Variants in UTRN observed in about 807,000 individuals in gnomAD.
UTRN encodes utrophin.
UTRN carries 283 observed loss-of-function variants against 463.9 expected under a neutral mutation model. The observed-to-expected ratio is 0.61, with a 90% CI of 0.55 to 0.67. The LOEUF (loss-of-function observed/expected upper bound fraction) is 0.67, where lower values mean the gene tolerates loss of function less well. Among genes scored for constraint, UTRN ranks in the 30% least tolerant of loss-of-function variants. UTRN has a pLI of 0.00. For synonymous variants in UTRN, 1,442 were observed against 1,431.5 expected (o/e 1.01, Z -0.17); for missense variants, 3,922 against 4,084.3 (o/e 0.96, Z 1.08).
At chr6:144,399,767 G>A (rs190860535) in intron 2 of UTRN, among the ~76,000 whole-genome samples, 64 of 152,248 alleles carry the variant, frequency 4.2e-4, no homozygotes, top group Non-Finnish European at 9.0e-4. Flanking sequence ...ATGTTGCTAC[G>A]TTCTGCTAAA....
intron 45 of UTRN, among the ~76,000 whole-genome samples, chr6:144,539,769 T>A (rs184117349): frequency 6.6e-6 from 1 of 152,246 alleles, no homozygotes. Context: ...GAGCCGGGTG[T>A]GTTGGCTCAT....
chr6:144,839,755 C>CCCA (rs1333951230), intron 72 of UTRN, among the ~76,000 whole-genome samples: 6 of 152,194 alleles, frequency 3.9e-5, no homozygotes, highest in Non-Finnish European at 8.8e-5. Context: ...AGGCAGCGGT[C>CCCA]CCACGCAGCC....
chr6:144,458,919 A>C lies in UTRN; in HGVS notation c.2434A>C (p.Lys812Gln), dbSNP rs1343139096. The change falls in exon 20 of 75, where the codon AAG (lysine) becomes CAG (glutamine). Residue 812 changes from lysine (K) to glutamine (Q), a missense_variant. Around this residue, in one of 3 missense-constraint regions of UTRN, gnomAD observed 2,349 missense variants for 2,303.8 expected, o/e 1.02. Transcript: ENST00000367545. ...TTTCAAGCAGCTTGATGAGCTTGAA[A>C]AGGTCATCAAGACAAAGGAGGAGTG... The part of the protein sequence containing the change: ...AYFKQLDELE[K>Q]VIKTKEEWVK... 2 of 1,613,844 alleles carry C rather than the reference A, an allele frequency of 1.2e-6. No individual in the cohort carries two copies. Among genetic ancestry groups the C allele is most frequent in the Non-Finnish European group, 1.7e-6 (2 of 1,179,990 alleles).
At chr6:144,548,987 C>A in intron 47 of UTRN, 133 bp downstream of exon 47, 1 of 842,378 alleles carries the variant, frequency 1.2e-6, no homozygotes, top group Non-Finnish European at 1.8e-6. Context: ...TGTCAAACAA[C>A]CATTCAGGGC....
At chr6:144,384,490 C>T (rs564305226) in intron 2 of UTRN, among the ~76,000 whole-genome samples, 2 of 152,092 alleles carry the variant, frequency 1.3e-5, no homozygotes, top group East Asian at 1.9e-4. Context: ...CCCACTGCCC[C>T]GCCCATGGAA....
In UTRN at chr6:144,804,297, G is replaced by C. The variant is rs1236242015; in HGVS notation, c.9357+1150G>C. Among the ~76,000 whole-genome samples, 4 of 152,166 alleles carry C rather than the reference G, an allele frequency of 2.6e-5. No individual in the cohort carries two copies. In the East Asian group the frequency reaches 7.7e-4, roughly 29 times the overall value. On this transcript the variant is annotated intron_variant, in intron 65 of 74. Transcript: ENST00000367545. ...ATATTGCTGAATTATAATGGAGGAA[G>C]TGCCCACATCACATTATAGCTTTAA...
chr6:144,628,959 G>C (rs1199160176), intron 51 of UTRN, among the ~76,000 whole-genome samples: 2 of 152,180 alleles, frequency 1.3e-5, no homozygotes, highest in Non-Finnish European at 2.9e-5. Flanking sequence ...CTTTGGGCTG[G>C]AGGAATAAGG....
At chr6:144,581,357 CAA>C (rs1376145696) in intron 51 of UTRN, among the ~76,000 whole-genome samples, 4 of 151,998 alleles carry the variant, frequency 2.6e-5, no homozygotes, top group Non-Finnish European at 5.9e-5. Flanking sequence ...TTGGCATTAC[CAA>C]TTAATTGAAA....
At chr6:144,453,285 G>T (rs1788509216) in intron 18 of UTRN, among the ~76,000 whole-genome samples, 1 of 152,028 alleles carries the variant, frequency 6.6e-6, no homozygotes, top group South Asian at 2.1e-4. Context: ...ACCACGCTTG[G>T]CTAATTTTTG....
intron 60 of UTRN, among the ~76,000 whole-genome samples, chr6:144,775,013 T>C (rs957846781): frequency 2.6e-5 from 4 of 152,196 alleles, no homozygotes; most frequent in Non-Finnish European, 5.9e-5. Context: ...GTGGTTGTAG[T>C]TCTAATGATT....
In UTRN at chr6:144,378,271, T is replaced by C. The variant is rs139432532; in HGVS notation, c.80-24852T>C. Reference sequence around the variant, plus strand: ...TTAGAGGTCTAGATTGAATACACTCTGTGTTTAGACTTAATAAACACTTTC... The same window carrying C: ...TTAGAGGTCTAGATTGAATACACTCCGTGTTTAGACTTAATAAACACTTTC... On this transcript the variant is annotated intron_variant, in intron 2 of 74. Coordinates refer to ENST00000367545, the MANE Select transcript of UTRN (RefSeq NM_007124.3). 5.2e-3 allele frequency among the ~76,000 whole-genome samples: 791 copies of C among 152,348 alleles called. 8 individuals are homozygous for C. The highest frequency in any genetic ancestry group is 0.017 in the African/African-American group (723 of 41,580).
chr6:144,422,567 G>A (rs1366837927), intron 4 of UTRN, among the ~76,000 whole-genome samples: 1 of 151,576 alleles, frequency 6.6e-6, no homozygotes, highest in East Asian at 1.9e-4. Context: ...GCAGTGAGCC[G>A]AGATTGCGCC....
intron 34 of UTRN, among the ~76,000 whole-genome samples, chr6:144,504,027 C>T (rs1562496530): frequency 6.6e-6 from 1 of 152,096 alleles, no homozygotes; most frequent in African/African-American, 2.4e-5. Context: ...GGAGTTCACT[C>T]ATGATTTGGC....
At chr6:144,687,712 AGT>A (rs1456513289) in intron 52 of UTRN, among the ~76,000 whole-genome samples, 2 of 152,160 alleles carry the variant, frequency 1.3e-5, no homozygotes, top group Non-Finnish European at 2.9e-5. Flanking sequence ...CAGTCTGCTA[AGT>A]CTGCTGTTCA....
At chr6:144,802,282 G>A (rs916005846) in intron 64 of UTRN, among the ~76,000 whole-genome samples, 2 of 152,124 alleles carry the variant, frequency 1.3e-5, no homozygotes, top group African/African-American at 4.8e-5. Flanking sequence ...AGATTGATTT[G>A]CAAGTGATTT....
intron 50 of UTRN, among the ~76,000 whole-genome samples, chr6:144,563,313 T>A (rs1800096703): frequency 6.6e-6 from 1 of 152,198 alleles, no homozygotes; most frequent in Non-Finnish European, 1.5e-5. Context: ...CTGTTATTAC[T>A]TTTTCAGTAA....
At chr6:144,437,848 A>G (rs747939311) in intron 11 of UTRN, 102 bp downstream of exon 11, 379 of 1,250,380 alleles carry the variant, frequency 3.0e-4, no homozygotes, top group Non-Finnish European at 4.0e-4. Context: ...TGATTACAGA[A>G]CTTGCCTTGG....
chr6:144,480,060 T>C (rs1272529760), intron 26 of UTRN, 78 bp downstream of exon 26: 8 of 1,512,524 alleles, frequency 5.3e-6, no homozygotes, highest in Non-Finnish European at 5.3e-6. Context: ...ATCATCTGTC[T>C]ATCTGTCAAA....
intron 54 of UTRN, among the ~76,000 whole-genome samples, chr6:144,744,649 A>C (rs1790512376): frequency 6.6e-6 from 1 of 150,588 alleles, no homozygotes; most frequent in Non-Finnish European, 1.5e-5. Context: ...ACACACACAC[A>C]CACTTTAGAG....
Sources: allele counts gnomAD v4.1 joint callset (sites outside exome capture counted in the v4.1 genomes callset), GRCh38; gene constraint gnomAD v4.1.1; regional missense constraint gnomAD v4.1.1; transcripts MANE v1.5; gene names NCBI Gene and HGNC (gene_info 2026-07-23, HGNC 2026-07-21).